VPS13D: variants seen among roughly 807,000 people sequenced by gnomAD.
VPS13D encodes the protein intermembrane lipid transfer protein VPS13D.
Under a neutral mutation model 461.9 loss-of-function variants are expected in VPS13D, and 187 were observed. That is an observed-to-expected ratio of 0.40 (90% CI 0.36 to 0.46). The LOEUF is 0.46. VPS13D is among the 20% of genes least tolerant of loss of function. The pLI, the probability that VPS13D is intolerant of heterozygous loss-of-function variation, is 0.60. For missense variants in VPS13D, 4,711 were observed against 5,364.9 expected (o/e 0.88, Z 3.81); for synonymous variants, 1,951 against 1,986.3 (o/e 0.98, Z 0.47).
chr1:12,414,997 G>A (rs1644775858), intron 63 of VPS13D, 90 bp from the exon 64 acceptor site: 1 of 1,471,526 alleles, frequency 6.8e-7, no homozygotes, highest in Non-Finnish European at 9.3e-7. Context: ...AAGTTAACAT[G>A]ACTTGTAGCT....
At chr1:12,452,257 A>C (rs1645272233) in intron 65 of VPS13D, among the ~76,000 whole-genome samples, 1 of 152,210 alleles carries the variant, frequency 6.6e-6, no homozygotes, top group Non-Finnish European at 1.5e-5. Flanking sequence ...TCGTCTGAAT[A>C]ATCTGGACCT....
At position 12,497,491 on chromosome 1, in the gene VPS13D, C is replaced by A. The variant is rs1262685485; in HGVS notation, c.12663-9C>A. Reference sequence around the variant, plus strand: ...AACCTCTTGGCTTTATGTCCATTTACCCATCTAGGACTCAAGCACAGAGGG... The same window carrying A: ...AACCTCTTGGCTTTATGTCCATTTAACCATCTAGGACTCAAGCACAGAGGG... On this transcript the variant is annotated splice_polypyrimidine_tract_variant and intron_variant, in intron 67 of 69. Coordinates refer to ENST00000620676, the MANE Select transcript of VPS13D (RefSeq NM_015378.4). 1.2e-6 allele frequency: 2 copies of A among 1,607,422 alleles called. No homozygotes were observed. Among genetic ancestry groups the A allele is most frequent in the Non-Finnish European group, 1.7e-6 (2 of 1,176,728 alleles).
intron 67 of VPS13D, among the ~76,000 whole-genome samples, chr1:12,496,560 T>C (rs1261350432): frequency 6.6e-6 from 1 of 152,168 alleles, no homozygotes; most frequent in Non-Finnish European, 1.5e-5. Context: ...TAGAGAGGAG[T>C]GTTTTGCTTC....
At chr1:12,397,109 T>G (rs140065124) in intron 60 of VPS13D, among the ~76,000 whole-genome samples, 2,885 of 152,206 alleles carry the variant, frequency 0.019, 109 homozygotes, top group Admixed American at 0.099. Context: ...ATTTTCGTAG[T>G]TTTTAGTAGA....
intron 46 of VPS13D, among the ~76,000 whole-genome samples, chr1:12,353,532 C>CAAAAAA (rs79787458): frequency 2.2e-4 from 8 of 36,310 alleles, no homozygotes; most frequent in Middle Eastern, 9.8e-3. Context: ...GACTGCATCT[C>CAAAAAA]AAAAAAAAAA....
intron 26 of VPS13D, 93 bp downstream of exon 26, chr1:12,304,821 A>G (rs1642517853): frequency 8.1e-7 from 1 of 1,227,120 alleles, no homozygotes. Flanking sequence ...TGTTCAAGCA[A>G]ATGTTAACGA....
intron 46 of VPS13D, among the ~76,000 whole-genome samples, chr1:12,353,714 G>A (rs1643862190): frequency 6.6e-6 from 1 of 152,082 alleles, no homozygotes; most frequent in South Asian, 2.1e-4. Flanking sequence ...ACTTTCTGGG[G>A]TGAGGGAAAT....
intron 46 of VPS13D, 92 bp from the exon 47 acceptor site, chr1:12,353,882 C>A: frequency 2.2e-6 from 3 of 1,345,480 alleles, no homozygotes; most frequent in Non-Finnish European, 3.0e-6. Flanking sequence ...ATTGAACCAT[C>A]TTAATGTTAT....
chr1:12,310,139 C>T (rs1444189546), intron 27 of VPS13D, among the ~76,000 whole-genome samples: 1 of 152,118 alleles, frequency 6.6e-6, no homozygotes, highest in Non-Finnish European at 1.5e-5. Flanking sequence ...TCTAAACTTT[C>T]CCCACTCCCA....
At chr1:12,285,872 A>G (rs1199358838) in intron 21 of VPS13D, among the ~76,000 whole-genome samples, 1 of 152,136 alleles carries the variant, frequency 6.6e-6, no homozygotes, top group African/African-American at 2.4e-5. Context: ...TTGTAAGCCA[A>G]AGTTTTCTCA....
In VPS13D at chr1:12,441,994, C is replaced by T. The variant is rs151024320; in HGVS notation, c.12334-14004C>T. Among the ~76,000 whole-genome samples, 955 of 152,108 alleles carry T rather than the reference C, an allele frequency of 6.3e-3. 3 individuals are homozygous for T. The highest frequency in any genetic ancestry group is 9.9e-3 in the Non-Finnish European group (673 of 67,988). ...GTTATTGTCATGTATTTTAGTTCTA[C>T]TTATATTATGCTTAACCCTCATAAA... On this transcript the variant is annotated intron_variant, in intron 65 of 69. Transcript: ENST00000620676.
In VPS13D at chr1:12,293,567, C is replaced by G; in HGVS notation, c.5896C>G (p.Arg1966Gly). The stretch of plus-strand genomic sequence containing the variant: ...TCTGCTCCGGAGAGAACACGACATT[C>G]GCGTGAGCCTCCGGATGGCCTCTGT... ...DPLLRREHDI[R>G]VSLRMASVQY... The change falls in exon 24 of 70, where the codon CGC (arginine) becomes GGC (glycine). Residue 1966 changes from arginine to glycine, a missense_variant. By Grantham distance (125) the Arg-to-Gly change is moderately radical. Around this residue, in one of 3 missense-constraint regions of VPS13D, gnomAD observed 4,411 missense variants for 4,937.8 expected, o/e 0.89. Coordinates refer to ENST00000620676, the MANE Select transcript of VPS13D (RefSeq NM_015378.4). The G allele has an allele frequency of 6.2e-7, 1 of 1,613,872 alleles. No homozygotes were observed. Among genetic ancestry groups the G allele is most frequent in the African/African-American group, 1.3e-5 (1 of 75,028 alleles).
chr1:12,310,318 T>C (rs1642696934), intron 27 of VPS13D, among the ~76,000 whole-genome samples: 2 of 152,224 alleles, frequency 1.3e-5, no homozygotes, highest in South Asian at 4.1e-4. Flanking sequence ...AAAACTCTGT[T>C]GTATGTCGGC....
intron 60 of VPS13D, among the ~76,000 whole-genome samples, chr1:12,396,902 T>C (rs1429998185): frequency 6.6e-6 from 1 of 152,228 alleles, no homozygotes. Context: ...TCCTTAACTT[T>C]ATTCTTTACT....
Position 12,242,330 on chromosome 1 carries a change from G to A in VPS13D, c.98-183G>A, listed in dbSNP as rs35946916. Reference sequence around the variant, plus strand: ...CTACACATGATATAGCCTGTTCTAGGTGTAAAACTTTAACCTACACATGAT... The same window carrying A: ...CTACACATGATATAGCCTGTTCTAGATGTAAAACTTTAACCTACACATGAT... On this transcript the variant is annotated intron_variant, in intron 2 of 69. Transcript: ENST00000620676. Among the ~76,000 whole-genome samples the A allele has an allele frequency of 0.062, 9,450 of 152,154 alleles. 482 individuals carry two copies. The highest frequency in any genetic ancestry group is 0.14 in the Admixed American group (2,097 of 15,292).
chr1:12,315,301 C>T (rs916985907), intron 30 of VPS13D, among the ~76,000 whole-genome samples: 5 of 152,190 alleles, frequency 3.3e-5, no homozygotes, highest in African/African-American at 1.2e-4. Flanking sequence ...TTCTGTATGC[C>T]TGACATTTCA....
chr1:12,464,628 G>C (rs761717705), intron 67 of VPS13D, among the ~76,000 whole-genome samples: 3 of 151,784 alleles, frequency 2.0e-5, no homozygotes, highest in Non-Finnish European at 2.9e-5. Flanking sequence ...CTCCTTGTTG[G>C]AGTGCGCTGG....
At chr1:12,383,861 A>T (rs915394641) in intron 58 of VPS13D, among the ~76,000 whole-genome samples, 3 of 152,220 alleles carry the variant, frequency 2.0e-5, no homozygotes, top group Non-Finnish European at 4.4e-5. Flanking sequence ...ATGACATACG[A>T]TGTGGAAGTT....
chr1:12,447,523 G>T lies in VPS13D; in HGVS notation c.12334-8475G>T, dbSNP rs142825914. ...TGTGGTCTTCAGTACTTGGAAGTTT[G>T]CCCTTACCTACTCTGCCACACACTC... On this transcript the variant is annotated intron_variant, in intron 65 of 69. Coordinates refer to ENST00000620676, the MANE Select transcript of VPS13D (RefSeq NM_015378.4). Among the ~76,000 whole-genome samples, 753 of 152,242 alleles carry T rather than the reference G, an allele frequency of 4.9e-3. 3 individuals carry two copies. The highest frequency in any genetic ancestry group is 0.018 in the African/African-American group (728 of 41,542).
Sources: gnomAD v4.1 joint callset for allele counts (sites outside exome capture counted in the v4.1 genomes callset) on GRCh38, gnomAD v4.1.1 for gene constraint, gnomAD v4.1.1 regional missense constraint, MANE v1.5 for transcripts, NCBI Gene and HGNC (gene_info 2026-07-23, HGNC 2026-07-21) for gene names.